MCTP1: variants seen among roughly 807,000 people sequenced by gnomAD.
MCTP1 encodes the protein multiple C2 and transmembrane domain containing 1, also known as multiple C2 and transmembrane domain-containing protein 1.
MCTP1 carries 69 observed loss-of-function variants against 120.6 expected under a neutral mutation model. The observed-to-expected ratio is 0.57, with a 90% CI of 0.47 to 0.70. The LOEUF (loss-of-function observed/expected upper bound fraction) is 0.70, where lower values mean the gene tolerates loss of function less well. MCTP1 is among the 30% of genes least tolerant of loss of function. The pLI is 0.00. For synonymous variants in MCTP1, 529 were observed against 493.1 expected, an observed-to-expected ratio of 1.07 and a Z score of -0.96; for missense variants, 1,203 against 1,248.8, an observed-to-expected ratio of 0.96 and a Z score of 0.55.
chr5:95,020,509 T>C (rs1451727881), intron 1 of MCTP1, among the ~76,000 whole-genome samples: 1 of 152,090 alleles, frequency 6.6e-6, no homozygotes, highest in Non-Finnish European at 1.5e-5. Context: ...ACAGTTTCTC[T>C]ACCAAATCTA....
intron 1 of MCTP1, among the ~76,000 whole-genome samples, chr5:95,072,933 G>C (rs1752612411): frequency 6.6e-6 from 1 of 151,916 alleles, no homozygotes. Flanking sequence ...TTTTAGTAGA[G>C]ATGAGGTTTC....
chr5:95,263,900 C>T (rs565967259), intron 1 of MCTP1, among the ~76,000 whole-genome samples: 82 of 152,328 alleles, frequency 5.4e-4, no homozygotes, highest in African/African-American at 1.9e-3. Context: ...GTCCAGTCTC[C>T]ACCCAGGGGC....
chr5:95,126,626 T>C (rs979069206), intron 1 of MCTP1, among the ~76,000 whole-genome samples: 1 of 152,218 alleles, frequency 6.6e-6, no homozygotes, highest in Non-Finnish European at 1.5e-5. Context: ...TTTGAAATTT[T>C]GATATTGGTG....
chr5:95,075,534 G>C (rs1423575048), intron 1 of MCTP1, among the ~76,000 whole-genome samples: 4 of 151,954 alleles, frequency 2.6e-5, no homozygotes, highest in African/African-American at 9.7e-5. Context: ...GAATATAATG[G>C]GAAGAATATT....
chr5:94,923,829 TAAAG>T, intron 7 of MCTP1, 129 bp downstream of exon 7: 1 of 554,344 alleles, frequency 1.8e-6, no homozygotes, highest in East Asian at 3.5e-5. Flanking sequence ...TAGAAGATAA[TAAAG>T]AAGGCAAATG....
intron 1 of MCTP1, among the ~76,000 whole-genome samples, chr5:95,050,510 C>G (rs1745618104): frequency 6.6e-6 from 1 of 152,108 alleles, no homozygotes; most frequent in African/African-American, 2.4e-5. Context: ...TTCACACTTG[C>G]TTGTTGGGGG....
chr5:95,201,741 G>A (rs1377011479), intron 1 of MCTP1, among the ~76,000 whole-genome samples: 2 of 152,040 alleles, frequency 1.3e-5, no homozygotes, highest in African/African-American at 4.8e-5. Flanking sequence ...CTGACCTCAA[G>A]GGATCCATCC....
chr5:94,948,957 A>G (rs369088871), intron 3 of MCTP1, among the ~76,000 whole-genome samples: 1 of 152,256 alleles, frequency 6.6e-6, no homozygotes, highest in African/African-American at 2.4e-5. Context: ...AACATTTTCA[A>G]CTTTAACTCT....
chr5:94,737,418 A>G (rs1399651786), intron 19 of MCTP1, among the ~76,000 whole-genome samples: 9 of 152,202 alleles, frequency 5.9e-5, no homozygotes, highest in Admixed American at 5.9e-4. Flanking sequence ...AATTCTAAGC[A>G]CCCAAATAGT....
At chr5:95,146,029 C>CT (rs913042211) in intron 1 of MCTP1, among the ~76,000 whole-genome samples, 7 of 150,232 alleles carry the variant, frequency 4.7e-5, no homozygotes, top group African/African-American at 1.2e-4. Flanking sequence ...TGGCTTTTTT[C>CT]TTTTTTTTTA....
chr5:94,797,864 T>C lies in MCTP1; in HGVS notation c.2556+1149A>G, dbSNP rs558989440. 1.2e-4 allele frequency among the ~76,000 whole-genome samples: 19 copies of C among 152,300 alleles called. No individual in the cohort carries two copies. The South Asian group carries it at 3.9e-3, about 32-fold the overall frequency. ...AAGGAAATTATTTTGAAGAATTTTA[T>C]ATTTTGCTTACATGGCTATTTGAAG... On this transcript the variant is annotated intron_variant, in intron 18 of 22. Transcript: ENST00000515393.
intron 1 of MCTP1, among the ~76,000 whole-genome samples, chr5:95,024,648 T>TATAC (rs1554185298): frequency 4.8e-5 from 7 of 146,266 alleles, no homozygotes; most frequent in African/African-American, 1.8e-4. Flanking sequence ...GGCATTCAAA[T>TATAC]ACACACACAC....
chr5:94,976,835 T>C (rs1019990919), intron 2 of MCTP1: 2 of 152,120 alleles, frequency 1.3e-5, no homozygotes, highest in African/African-American at 2.4e-5. Flanking sequence ...AATTACCTCA[T>C]AATAAAGGCC....
chr5:95,217,385 A>G (rs1214846094), intron 1 of MCTP1, among the ~76,000 whole-genome samples: 2 of 152,194 alleles, frequency 1.3e-5, no homozygotes, highest in African/African-American at 2.4e-5. Flanking sequence ...CACTTATATA[A>G]TTTGACAAAA....
chr5:94,739,856 T>TG (rs1765121359), intron 19 of MCTP1, among the ~76,000 whole-genome samples: 1 of 152,150 alleles, frequency 6.6e-6, no homozygotes, highest in Non-Finnish European at 1.5e-5. Context: ...TTAGTAGAGA[T>TG]GGGGTTTTGC....
At chr5:95,248,010 AT>A (rs1473289371) in intron 1 of MCTP1, among the ~76,000 whole-genome samples, 2 of 152,178 alleles carry the variant, frequency 1.3e-5, no homozygotes, top group Non-Finnish European at 2.9e-5. Flanking sequence ...CTAGGTTTTG[AT>A]GGAACATATC....
chr5:94,867,677 A>C, intron 17 of MCTP1: 1 of 302,832 alleles, frequency 3.3e-6, no homozygotes, highest in Non-Finnish European at 6.1e-6. Context: ...CTCAGAGCAA[A>C]GTATTCTTTT....
At chr5:95,270,652 G>A (rs906577158) in intron 1 of MCTP1, among the ~76,000 whole-genome samples, 16 of 152,100 alleles carry the variant, frequency 1.1e-4, no homozygotes, top group Admixed American at 1.3e-4. Context: ...ACTGCGGGCC[G>A]GGCATATTGA....
chr5:94,881,206 G>T (rs1358903224), intron 12 of MCTP1, among the ~76,000 whole-genome samples: 1 of 152,044 alleles, frequency 6.6e-6, no homozygotes, highest in East Asian at 1.9e-4. Context: ...TGCAAGCAGG[G>T]GTCATGTATC....
Sources: allele counts gnomAD v4.1 joint callset (sites outside exome capture counted in the v4.1 genomes callset), GRCh38; gene constraint gnomAD v4.1.1; transcripts MANE v1.5; gene names NCBI Gene and HGNC (gene_info 2026-07-23, HGNC 2026-07-21).